The following ABCA12 variants were observed in gnomAD, a reference collection of about 807,000 sequenced individuals.
ABCA12 encodes the protein ATP binding cassette subfamily A member 12, also known as glucosylceramide transporter ABCA12.
In ABCA12, 156 loss-of-function variants were observed where a neutral mutation model predicts 293.5. That is an observed-to-expected ratio of 0.53 (90% CI 0.47 to 0.61). ABCA12 has a LOEUF of 0.61. ABCA12 is among the 20% of genes least tolerant of loss of function. The pLI, the probability that ABCA12 is intolerant of heterozygous loss-of-function variation, is 0.00. For synonymous variants in ABCA12, 1,063 were observed against 1,108.0 expected (o/e 0.96, Z 0.81); for missense variants, 2,797 against 3,090.2 (o/e 0.91, Z 2.25).
At chr2:215,037,123 A>C in intron 7 of ABCA12, 58 bp from the exon 8 acceptor site, 1 of 1,375,682 alleles carries the variant, frequency 7.3e-7, no homozygotes, top group Non-Finnish European at 1.0e-6. Flanking sequence ...AGACAGAAAC[A>C]AAAGATTATT....
intron 11 of ABCA12, among the ~76,000 whole-genome samples, chr2:215,024,876 A>G (rs1574992273): frequency 6.6e-6 from 1 of 152,178 alleles, no homozygotes; most frequent in African/African-American, 2.4e-5. Flanking sequence ...TACTATATGC[A>G]TGAGATAAAG....
Position 214,959,048 on chromosome 2 carries a change from C to A in ABCA12, c.5915G>T (p.Gly1972Val). 6.2e-7 allele frequency: 1 copy of A among 1,613,836 alleles called. No homozygotes were observed. Among genetic ancestry groups the A allele is most frequent in the South Asian group, 1.1e-5 (1 of 91,076 alleles). Residue 1972 changes from glycine to valine, a missense_variant, in exon 40 of 53, where the codon GGA becomes GTA. By Grantham distance (109) the Gly-to-Val change is moderately radical. Coordinates refer to ENST00000272895, the MANE Select transcript of ABCA12 (RefSeq NM_173076.3). The part of the protein sequence containing the change: ...GIIMYSHPYP[G>V]VQDQEQATIS... ...CGTGGCTTGTTCTTGGTCTTGCACT[C>A]CTGGATAAGGATGGCTATACATGAT... is the stretch of plus-strand genomic sequence containing the variant.
chr2:215,106,415 T>C (rs926383884), intron 2 of ABCA12, among the ~76,000 whole-genome samples: 17 of 152,188 alleles, frequency 1.1e-4, no homozygotes, highest in Non-Finnish European at 4.4e-5. Flanking sequence ...AAATGAGTTA[T>C]TGTAATGAAC....
intron 44 of ABCA12, among the ~76,000 whole-genome samples, chr2:214,951,524 AG>A (rs1698769268): frequency 6.6e-6 from 1 of 152,208 alleles, no homozygotes; most frequent in African/African-American, 2.4e-5. Flanking sequence ...GCACTTTGAG[AG>A]GCCGACGGAT....
chr2:215,069,627 G>T (rs934163607), intron 2 of ABCA12, among the ~76,000 whole-genome samples: 1 of 151,842 alleles, frequency 6.6e-6, no homozygotes. Context: ...GTTCTCCTTC[G>T]CATGCACCTT....
At chr2:215,057,198 A>G (rs1484690174) in intron 3 of ABCA12, among the ~76,000 whole-genome samples, 2 of 152,046 alleles carry the variant, frequency 1.3e-5, no homozygotes, top group African/African-American at 2.4e-5. Context: ...CTCTCTTCCT[A>G]AAAGATCTCA....
chr2:214,939,563 C>T (rs542363151), intron 50 of ABCA12, among the ~76,000 whole-genome samples: 10 of 152,128 alleles, frequency 6.6e-5, no homozygotes, highest in Non-Finnish European at 8.8e-5. Context: ...ACAGTATGGC[C>T]ATTTTCATGA....
At chr2:214,963,973 C>T (rs1314954203) in intron 39 of ABCA12, among the ~76,000 whole-genome samples, 4 of 147,998 alleles carry the variant, frequency 2.7e-5, no homozygotes, top group Non-Finnish European at 4.5e-5. Context: ...TGATGAACAT[C>T]GATGCAAAAA....
intron 43 of ABCA12, 124 bp from the exon 44 acceptor site, chr2:214,954,231 T>C (rs1698871229): frequency 3.0e-6 from 3 of 991,224 alleles, no homozygotes; most frequent in Non-Finnish European, 4.5e-6. Flanking sequence ...TGGCAATTAT[T>C]TCCCATATAG....
intron 39 of ABCA12, among the ~76,000 whole-genome samples, chr2:214,959,689 G>A (rs1441264780): frequency 6.6e-6 from 1 of 152,070 alleles, no homozygotes; most frequent in Non-Finnish European, 1.5e-5. Context: ...ATATCCAAGA[G>A]GATTCAGAGA....
chr2:214,950,483 G>GA (rs202134788), intron 45 of ABCA12, among the ~76,000 whole-genome samples: 4,188 of 140,216 alleles, frequency 0.03, 222 homozygotes, highest in African/African-American at 0.11. Context: ...TATATTTCTA[G>GA]AAAAAAATTG....
At chr2:215,098,219 A>C (rs1702286779) in intron 2 of ABCA12, among the ~76,000 whole-genome samples, 1 of 152,148 alleles carries the variant, frequency 6.6e-6, no homozygotes, top group Admixed American at 6.5e-5. Flanking sequence ...GAGGAATTCC[A>C]GCTGATCCAC....
chr2:214,958,526 A>C (rs1055831465), intron 40 of ABCA12, 72 bp from the exon 41 acceptor site: 1 of 1,505,790 alleles, frequency 6.6e-7, no homozygotes, highest in Admixed American at 1.8e-5. Flanking sequence ...AAAGATTCAT[A>C]ACTAAAACCA....
chr2:215,064,060 C>A lies in ABCA12; in HGVS notation c.317+6G>T. On this transcript the variant is annotated splice_donor_region_variant and intron_variant, in intron 3 of 52. Transcript: ENST00000272895. ...ACAATTGAACACACTTGAGAAGTGC[C>A]CCCACCTGTCTTTAAATAGTGCATC... is the stretch of plus-strand genomic sequence containing the variant. The A allele has an allele frequency of 1.9e-6, 3 of 1,612,454 alleles. No individual in the cohort carries two copies. Among genetic ancestry groups the A allele is most frequent in the Non-Finnish European group, 2.5e-6 (3 of 1,178,846 alleles).
At chr2:215,107,303 T>C (rs919643077) in intron 2 of ABCA12, among the ~76,000 whole-genome samples, 12 of 152,330 alleles carry the variant, frequency 7.9e-5, no homozygotes, top group African/African-American at 2.4e-4. Context: ...TTGTAGAGAT[T>C]TGTGCTGTTT....
chr2:215,081,322 A>G (rs1198476912), intron 2 of ABCA12, among the ~76,000 whole-genome samples: 3 of 152,024 alleles, frequency 2.0e-5, no homozygotes, highest in Non-Finnish European at 4.4e-5. Flanking sequence ...TACTAAAAAT[A>G]CAAAAATTAG....
chr2:215,093,925 C>A (rs1702199157), intron 2 of ABCA12, among the ~76,000 whole-genome samples: 1 of 152,180 alleles, frequency 6.6e-6, no homozygotes, highest in African/African-American at 2.4e-5. Flanking sequence ...CTGTTCCTCA[C>A]CCTGATCACA....
At chr2:215,099,686 C>T (rs1381613370) in intron 2 of ABCA12, among the ~76,000 whole-genome samples, 1 of 72,610 alleles carries the variant, frequency 1.4e-5, no homozygotes, top group Non-Finnish European at 2.8e-5. Context: ...AGCGAGACTT[C>T]ATCTCAAAAA....
At chr2:214,988,998 G>A (rs1699848514) in intron 26 of ABCA12, among the ~76,000 whole-genome samples, 1 of 150,740 alleles carries the variant, frequency 6.6e-6, no homozygotes, top group Non-Finnish European at 1.5e-5. Context: ...GGCTAACATG[G>A]TGAAACCCCG....
Sources: allele counts gnomAD v4.1 joint callset (sites outside exome capture counted in the v4.1 genomes callset), GRCh38; gene constraint gnomAD v4.1.1; transcripts MANE v1.5; gene names NCBI Gene and HGNC (gene_info 2026-07-23, HGNC 2026-07-21).